The following CD164L2 variants were observed in gnomAD, a reference collection of about 807,000 sequenced individuals.
The protein encoded by CD164L2 is CD164 sialomucin-like 2 protein.
Under a neutral mutation model 23.9 loss-of-function variants are expected in CD164L2, and 21 were observed. The ratio of observed to expected loss-of-function variants is 0.88; its 90% CI spans 0.62 to 1.27. The LOEUF is 1.27. CD164L2 is among the 50% of genes most tolerant of loss of function. CD164L2 has a pLI of 0.00. For synonymous variants in CD164L2, 92 were observed against 90.2 expected, an observed-to-expected ratio of 1.02 and a Z score of -0.11; for missense variants, 230 against 224.8, an observed-to-expected ratio of 1.02 and a Z score of -0.15.
chr1:27,383,081 G>C (rs993670489), intron 1 of CD164L2, 71 bp downstream of exon 1: 2 of 1,318,292 alleles, frequency 1.5e-6, no homozygotes, highest in Admixed American at 4.1e-5. Flanking sequence ...TGCTCCTGGG[G>C]AGACGGCTGG....
chr1:27,382,684 G>C lies in CD164L2; in HGVS notation c.89-17C>G, dbSNP rs755245747. 11 of 1,597,922 alleles carry C rather than the reference G, an allele frequency of 6.9e-6. No individual in the cohort carries two copies. Among genetic ancestry groups the C allele is most frequent in the Non-Finnish European group, 9.4e-6 (11 of 1,171,568 alleles). On this transcript the variant is annotated splice_polypyrimidine_tract_variant and intron_variant, in intron 1 of 5. Transcript: ENST00000374030. ...CTCCTTTACCTGGTAGTGCGGTGGA[G>C]TGGGAAGGGAGAATTCCTCGAAGCC...
rs2016361128 is a variant in CD164L2, at chr1:27,382,658, G to C, written c.98C>G (p.Ala33Gly). 1 of 1,611,188 alleles carries C rather than the reference G, an allele frequency of 6.2e-7. No homozygotes were observed. The highest frequency in any genetic ancestry group is 8.5e-7 in the Non-Finnish European group (1 of 1,179,398). Residue 33 changes from alanine to glycine, a missense_variant, in exon 2 of 6, where the codon GCT becomes GGT. Coordinates refer to ENST00000374030, the MANE Select transcript of CD164L2 (RefSeq NM_001330448.1). The stretch of plus-strand genomic sequence containing the variant: ...CAGGGCTCCCCTCCCAAAGCCTCGA[G>C]CTCCTTTACCTGGTAGTGCGGTGGA... ...CAQLAVAGKG[A>G]RGFGRGALIR...
chr1:27,382,739 C>T, intron 1 of CD164L2, 72 bp from the exon 2 acceptor site: 6 of 1,459,402 alleles, frequency 4.1e-6, no homozygotes, highest in Non-Finnish European at 5.5e-6. Context: ...CCCTCCCACC[C>T]AACACTCCGG....
chr1:27,379,892 G>C (rs918061741), intron 5 of CD164L2, 159 bp downstream of exon 5: 1 of 1,507,880 alleles, frequency 6.6e-7, no homozygotes, highest in Non-Finnish European at 8.8e-7. Context: ...ACCCCAACTG[G>C]AGGAGACAAA....
At position 27,379,497 on chromosome 1, in the gene CD164L2, A is replaced by G; in HGVS notation, c.*6T>C. ...CCCCTCAGGATGGAGTCCAGGCCCA[A>G]AGGGGTCAGATTCTGCAGAGGCCAA... On this transcript the variant is annotated 3_prime_UTR_variant, in exon 6 of 6. Transcript: ENST00000374030. 6.5e-7 allele frequency: 1 copy of G among 1,550,224 alleles called. No individual in the cohort carries two copies. Among genetic ancestry groups the G allele is most frequent in the East Asian group, 2.4e-5 (1 of 40,900 alleles).
At chr1:27,380,660 C>G (rs1299306892) in intron 4 of CD164L2, among the ~76,000 whole-genome samples, 2 of 152,230 alleles carry the variant, frequency 1.3e-5, no homozygotes, top group Non-Finnish European at 2.9e-5. Flanking sequence ...CTCCTAAGCC[C>G]TAAGACCTCA....
chr1:27,380,487 G>C (rs1218382810), intron 4 of CD164L2, among the ~76,000 whole-genome samples: 4 of 152,168 alleles, frequency 2.6e-5, no homozygotes. Flanking sequence ...GGTCCAATTG[G>C]TGGCTTGGAC....
In CD164L2 at chr1:27,379,360, TGAGCCTG is replaced by T; in HGVS notation, c.*136_*142del. Reference sequence around the variant, plus strand: ...GGAGGAGATGTCAGGCATCAGACACTGAGCCTGCTTGGTGCCCGCAGGAGCCAAAAAC... The same window carrying T: ...GGAGGAGATGTCAGGCATCAGACACTCTTGGTGCCCGCAGGAGCCAAAAAC... On this transcript the variant is annotated 3_prime_UTR_variant, in exon 6 of 6. Transcript: ENST00000374030. The T allele has an allele frequency of 1.4e-6, 1 of 730,834 alleles. No homozygotes were observed. The highest frequency in any genetic ancestry group is 1.6e-5 in the South Asian group (1 of 61,932). 45.3% of individuals were successfully genotyped at this position (730,834 alleles called of 1,614,324 possible). A position where few individuals can be genotyped will look rare whatever the true frequency, so the allele number is the denominator to read the frequency against.
Position 27,381,795 on chromosome 1 carries a change from T to A in CD164L2, c.358A>T (p.Lys120Ter). The A allele has an allele frequency of 6.2e-7, 1 of 1,613,988 alleles. No homozygotes were observed. The highest frequency in any genetic ancestry group is 8.5e-7 in the Non-Finnish European group (1 of 1,179,930). Residue 120 changes from lysine to a stop codon, truncating the protein, a stop_gained, in exon 4 of 6, where the codon AAG becomes TAG. Coordinates refer to ENST00000374030, the MANE Select transcript of CD164L2 (RefSeq NM_001330448.1). LOFTEE classifies it high-confidence loss of function. ...AAHHHPTYEPKTVTTGSPPVP... is the reference protein window; with the variant it reads ...AAHHHPTYEP The stretch of plus-strand genomic sequence containing the variant: ...GAGTACTCACCTGTTGTGACTGTCT[T>A]CGGTTCATAGGTGGGGTGGTGGTGA...
At chr1:27,382,478 T>A (rs1254126292) in intron 2 of CD164L2, 22 bp downstream of exon 2, 1 of 1,587,816 alleles carries the variant, frequency 6.3e-7, no homozygotes, top group Non-Finnish European at 8.6e-7. Flanking sequence ...GCACTCAATC[T>A]GGGGAGGGCT....
chr1:27,380,540 T>A (rs2016317288), intron 4 of CD164L2, among the ~76,000 whole-genome samples: 1 of 152,178 alleles, frequency 6.6e-6, no homozygotes, highest in Non-Finnish European at 1.5e-5. Flanking sequence ...ACCAGCCCAA[T>A]AGGGTGAAGA....
At chr1:27,382,087 A>G (rs1435595373) in intron 3 of CD164L2, 80 of 1,478,618 alleles carry the variant, frequency 5.4e-5, no homozygotes, top group Non-Finnish European at 6.3e-5. Flanking sequence ...AGTCCTTGCT[A>G]TGCCTTAAAC....
At chr1:27,381,865 C>T (rs750461574) in intron 3 of CD164L2, 41 bp from the exon 4 acceptor site, 3 of 1,611,902 alleles carry the variant, frequency 1.9e-6, no homozygotes, top group Middle Eastern at 1.6e-4. Context: ...GCCTTCCCAC[C>T]CCCTGACTCC....
At chr1:27,380,694 C>T (rs1283681827) in intron 4 of CD164L2, among the ~76,000 whole-genome samples, 2 of 152,208 alleles carry the variant, frequency 1.3e-5, no homozygotes, top group African/African-American at 4.8e-5. Context: ...TCAGAGCCCT[C>T]AGAGAGGGAA....
At chr1:27,379,620 G>T in intron 5 of CD164L2, 111 bp from the exon 6 acceptor site, 2 of 1,544,690 alleles carry the variant, frequency 1.3e-6, no homozygotes, top group East Asian at 4.9e-5. Flanking sequence ...AACACAGGCT[G>T]TGGCGACCCG....
chr1:27,382,279 T>C (rs200956242), intron 3 of CD164L2, 49 bp downstream of exon 3: 118 of 1,614,028 alleles, frequency 7.3e-5, no homozygotes, highest in Non-Finnish European at 9.7e-5. Flanking sequence ...GGGCAGGCTA[T>C]GGCTGGGGAG....
intron 5 of CD164L2, 50 bp downstream of exon 5, chr1:27,380,001 A>C: frequency 8.1e-6 from 13 of 1,601,334 alleles, no homozygotes; most frequent in Non-Finnish European, 1.0e-5. Context: ...TGGGGCAGGA[A>C]CCAGGAGGTA....
chr1:27,382,281 G>A lies in CD164L2; in HGVS notation c.328+47C>T, dbSNP rs200486250. On this transcript the variant is annotated intron_variant, in intron 3 of 5. Coordinates refer to ENST00000374030, the MANE Select transcript of CD164L2 (RefSeq NM_001330448.1). ...GTTTCCTCCTGGGGGGCAGGCTATG[G>A]CTGGGGAGACCCATGCAACTTGGCT... 1.3e-5 allele frequency: 21 copies of A among 1,614,148 alleles called. No homozygotes were observed. The East Asian group carries it at 3.1e-4, about 24-fold the overall frequency.
intron 4 of CD164L2, among the ~76,000 whole-genome samples, chr1:27,381,051 C>G (rs543422556): frequency 6.6e-6 from 1 of 152,334 alleles, no homozygotes; most frequent in African/African-American, 2.4e-5. Flanking sequence ...GGGGCCCAGC[C>G]TGAACTGGGT....
Sources: gnomAD v4.1 joint callset for allele counts (sites outside exome capture counted in the v4.1 genomes callset) on GRCh38, gnomAD v4.1.1 for gene constraint, MANE v1.5 for transcripts, NCBI Gene and HGNC (gene_info 2026-07-23, HGNC 2026-07-21) for gene names.